The following STXBP5L variants were observed in gnomAD, a reference collection of about 807,000 sequenced individuals.
STXBP5L encodes the protein syntaxin-binding protein 5-like.
A neutral mutation model predicts 144.5 loss-of-function variants in STXBP5L; 65 were observed. The observed-to-expected ratio is 0.45, with a 90% confidence interval of 0.37 to 0.55. STXBP5L has a LOEUF of 0.55. Ranked by LOEUF, STXBP5L falls within the 20% of genes least tolerant of loss-of-function variation. STXBP5L has a pLI of 0.00. For synonymous variants in STXBP5L, 505 were observed against 469.6 expected, an observed-to-expected ratio of 1.08 and a Z score of -0.97; for missense variants, 1,298 against 1,405.5, an observed-to-expected ratio of 0.92 and a Z score of 1.22.
At chr3:120,971,893 T>C (rs1358883847) in intron 3 of STXBP5L, among the ~76,000 whole-genome samples, 2 of 151,934 alleles carry the variant, frequency 1.3e-5, no homozygotes, top group South Asian at 2.1e-4. Context: ...CAGAAGTGTA[T>C]ATGACTGTTT....
intron 6 of STXBP5L, among the ~76,000 whole-genome samples, chr3:121,117,274 C>G (rs774100373): frequency 1.3e-5 from 2 of 151,690 alleles, no homozygotes; most frequent in Non-Finnish European, 3.0e-5. Context: ...TATATATAAA[C>G]CTGTGTTTTA....
intron 22 of STXBP5L, among the ~76,000 whole-genome samples, chr3:121,400,921 A>G (rs2046857083): frequency 6.6e-6 from 1 of 152,220 alleles, no homozygotes; most frequent in Admixed American, 6.5e-5. Context: ...TTTCCTTTAC[A>G]TAGAACATAA....
At chr3:121,051,829 A>G (rs1333677999) in intron 5 of STXBP5L, among the ~76,000 whole-genome samples, 1 of 152,230 alleles carries the variant, frequency 6.6e-6, no homozygotes, top group Non-Finnish European at 1.5e-5. Flanking sequence ...AACAAAATTG[A>G]TAGACCGCTA....
At chr3:121,030,076 G>A (rs1206490663) in intron 3 of STXBP5L, among the ~76,000 whole-genome samples, 1 of 152,126 alleles carries the variant, frequency 6.6e-6, no homozygotes, top group Non-Finnish European at 1.5e-5. Flanking sequence ...TTACACTGTT[G>A]GTGGGTGTGT....
In STXBP5L at chr3:120,994,047, G is replaced by C. The variant is rs9866075; in HGVS notation, c.287+39010G>C. ...TAAATGTATTCCTTTTTATTTTTGT[G>C]ACTGTTGTAAACGGGATTGCTGTCT... On this transcript the variant is annotated intron_variant, in intron 3 of 26. Transcript: ENST00000471454. Among the ~76,000 whole-genome samples, 69 of 151,662 alleles carry C rather than the reference G, an allele frequency of 4.5e-4. No homozygotes were observed. In the East Asian group the frequency reaches 0.013, roughly 29 times the overall value.
At chr3:121,061,596 G>T (rs2041280784) in intron 5 of STXBP5L, among the ~76,000 whole-genome samples, 1 of 152,136 alleles carries the variant, frequency 6.6e-6, no homozygotes, top group Non-Finnish European at 1.5e-5. Flanking sequence ...TTATTGTGTG[G>T]GAGTCTAATT....
chr3:121,312,717 C>T (rs985879085), intron 19 of STXBP5L, among the ~76,000 whole-genome samples: 1 of 151,462 alleles, frequency 6.6e-6, no homozygotes, highest in African/African-American at 2.4e-5. Flanking sequence ...CTTGCACCGC[C>T]CTTAATCCAT....
chr3:121,053,508 A>T (rs1948195633), intron 5 of STXBP5L, among the ~76,000 whole-genome samples: 1 of 152,260 alleles, frequency 6.6e-6, no homozygotes, highest in Admixed American at 6.5e-5. Flanking sequence ...TCCCTATTTA[A>T]TAAATGGTGC....
At chr3:121,064,884 A>T (rs372238722) in intron 5 of STXBP5L, among the ~76,000 whole-genome samples, 37 of 152,108 alleles carry the variant, frequency 2.4e-4, no homozygotes, top group African/African-American at 8.9e-4. Context: ...TCCGTCTAGT[A>T]TGTAGTTTGC....
At chr3:120,921,545 T>A (rs1709359494) in intron 2 of STXBP5L, among the ~76,000 whole-genome samples, 1 of 152,032 alleles carries the variant, frequency 6.6e-6, no homozygotes, top group South Asian at 2.1e-4. Flanking sequence ...AAAAAATCAT[T>A]GCCTAGACTG....
At chr3:120,959,273 C>T (rs1300523235) in intron 3 of STXBP5L, among the ~76,000 whole-genome samples, 1 of 152,276 alleles carries the variant, frequency 6.6e-6, no homozygotes, top group Non-Finnish European at 1.5e-5. Context: ...AATGGAAGAA[C>T]ATTCCATGCT....
At chr3:121,398,290 C>T (rs1432543730) in intron 22 of STXBP5L, among the ~76,000 whole-genome samples, 1 of 152,258 alleles carries the variant, frequency 6.6e-6, no homozygotes, top group African/African-American at 2.4e-5. Context: ...GATCCACAGA[C>T]TCCTGTTGGG....
intron 5 of STXBP5L, among the ~76,000 whole-genome samples, chr3:121,108,343 G>C (rs2043813889): frequency 6.6e-6 from 1 of 152,144 alleles, no homozygotes; most frequent in African/African-American, 2.4e-5. Context: ...GATATTGGCT[G>C]TGGGTTTGTT....
At chr3:121,161,830 T>C (rs2046331901) in intron 9 of STXBP5L, among the ~76,000 whole-genome samples, 1 of 152,056 alleles carries the variant, frequency 6.6e-6, no homozygotes, top group South Asian at 2.1e-4. Context: ...ATAGTGAAAA[T>C]TTTGCTCAGA....
At chr3:121,091,438 C>T (rs76035857) in intron 5 of STXBP5L, among the ~76,000 whole-genome samples, 14,075 of 151,882 alleles carry the variant, frequency 0.093, 1,231 homozygotes, top group East Asian at 0.49. Flanking sequence ...TCTCCAGCAC[C>T]TGTTGTTCCC....
chr3:121,385,886 T>C (rs1424783533), intron 22 of STXBP5L, among the ~76,000 whole-genome samples: 1 of 152,182 alleles, frequency 6.6e-6, no homozygotes, highest in Admixed American at 6.6e-5. Flanking sequence ...TAGGTTAATG[T>C]GCTTTCTTAT....
intron 8 of STXBP5L, among the ~76,000 whole-genome samples, chr3:121,154,151 T>G (rs2107992687): frequency 6.6e-6 from 1 of 151,978 alleles, no homozygotes; most frequent in Middle Eastern, 3.4e-3. Flanking sequence ...GCTGCCTTAG[T>G]ACAAATATAT....
In STXBP5L at chr3:121,282,150, A is replaced by G. The variant is rs766830508; in HGVS notation, c.2110+2194A>G. 3.8e-4 allele frequency: 282 copies of G among 735,932 alleles called. 1 individual carries two copies. Among genetic ancestry groups the G allele is most frequent in the Non-Finnish European group, 5.4e-4 (250 of 459,630 alleles). The allele number at this position is 735,932 out of a possible 1,614,324, so 45.6% of individuals were successfully genotyped here. A position where few individuals can be genotyped will look rare whatever the true frequency, so the allele number is the denominator to read the frequency against. On this transcript the variant is annotated intron_variant, in intron 19 of 26. Coordinates refer to ENST00000471454, the MANE Select transcript of STXBP5L (RefSeq NM_001308330.2). ...AATTTAATTACCTAATCTTGCTGCA[A>G]TTTCTTCATCTTGGCTGTTCTAGAT...
intron 20 of STXBP5L, among the ~76,000 whole-genome samples, chr3:121,338,766 C>A (rs1048803860): frequency 1.3e-5 from 2 of 151,964 alleles, no homozygotes; most frequent in African/African-American, 2.4e-5. Flanking sequence ...CTACTATGAA[C>A]ACCTCTGTGC....
Sources: gnomAD v4.1 joint callset for allele counts (sites outside exome capture counted in the v4.1 genomes callset) on GRCh38, gnomAD v4.1.1 for gene constraint, MANE v1.5 for transcripts, NCBI Gene and HGNC (gene_info 2026-07-23, HGNC 2026-07-21) for gene names.